SAAL1: variants seen among roughly 807,000 people sequenced by gnomAD.
SAAL1 encodes protein SAAL1.
SAAL1 carries 42 observed loss-of-function variants against 59.8 expected under a neutral mutation model. The ratio of observed to expected loss-of-function variants is 0.70; its 90% CI spans 0.55 to 0.91. SAAL1 has a LOEUF of 0.91. Among genes scored for constraint, SAAL1 ranks in the 40% least tolerant of loss-of-function variants. The pLI is 0.00. For synonymous variants in SAAL1, 191 were observed against 194.3 expected, an observed-to-expected ratio of 0.98 and a Z score of 0.14; for missense variants, 542 against 561.1, an observed-to-expected ratio of 0.97 and a Z score of 0.34.
rs922201719 is a variant in SAAL1 at position 18,080,381 on chromosome 11, G to A, written c.*18C>T. The A allele has an allele frequency of 2.1e-6, 3 of 1,460,150 alleles. No individual in the cohort carries two copies. The highest frequency in any genetic ancestry group is 2.8e-6 in the Non-Finnish European group (3 of 1,062,544). 90.4% of individuals were successfully genotyped at this position (1,460,150 alleles called of 1,614,324 possible). A position where few individuals can be genotyped will look rare whatever the true frequency, so the allele number is the denominator to read the frequency against. On this transcript the variant is annotated 3_prime_UTR_variant, in exon 12 of 12. Transcript: ENST00000524803. The stretch of plus-strand genomic sequence containing the variant: ...AATAAAGTTTATTTCTTGTACAGAA[G>A]TAATTCCAATTCAGGTTTTAAGTCT...
chr11:18,089,598 A>C, intron 6 of SAAL1, 88 bp from the exon 7 acceptor site: 1 of 1,217,714 alleles, frequency 8.2e-7, no homozygotes, highest in Non-Finnish European at 1.1e-6. Flanking sequence ...ATTCTAAGAA[A>C]ACCAAATCTT....
chr11:18,080,959 T>C (rs1180673020), intron 11 of SAAL1, among the ~76,000 whole-genome samples: 1 of 152,200 alleles, frequency 6.6e-6, no homozygotes, highest in African/African-American at 2.4e-5. Flanking sequence ...CCAATACTAT[T>C]ATGAATTTTC....
chr11:18,100,805 A>G (rs1398724851), intron 2 of SAAL1, among the ~76,000 whole-genome samples: 1 of 152,258 alleles, frequency 6.6e-6, no homozygotes, highest in Non-Finnish European at 1.5e-5. Flanking sequence ...ACAATTAAAT[A>G]TCCATAAGCA....
intron 2 of SAAL1, among the ~76,000 whole-genome samples, chr11:18,100,126 A>T (rs1039682949): frequency 7.9e-5 from 12 of 152,230 alleles, no homozygotes; most frequent in African/African-American, 2.4e-4. Flanking sequence ...TTTTAAAAAA[A>T]TTTGTTTAAC....
intron 7 of SAAL1, among the ~76,000 whole-genome samples, chr11:18,088,827 T>C (rs993039350): frequency 7.9e-5 from 12 of 152,184 alleles, no homozygotes; most frequent in African/African-American, 2.7e-4. Context: ...GCACTAAGAA[T>C]GCACTAAGAA....
intron 7 of SAAL1, 92 bp downstream of exon 7, chr11:18,089,238 T>G: frequency 9.0e-7 from 1 of 1,109,982 alleles, no homozygotes; most frequent in East Asian, 2.6e-5. Context: ...TACTTTATTC[T>G]GTTGTAAGGA....
chr11:18,097,170 G>C (rs575267494), intron 2 of SAAL1, among the ~76,000 whole-genome samples: 3 of 152,142 alleles, frequency 2.0e-5, no homozygotes, highest in Admixed American at 2.0e-4. Flanking sequence ...CCGGGAGGCA[G>C]AGGTTGCAGT....
chr11:18,103,884 G>A (rs999103612), intron 1 of SAAL1, among the ~76,000 whole-genome samples: 1 of 152,200 alleles, frequency 6.6e-6, no homozygotes, highest in Non-Finnish European at 1.5e-5. Context: ...GTAGTAAGAG[G>A]TGATCATTTT....
At chr11:18,104,636 G>C (rs1482299430) in intron 1 of SAAL1, among the ~76,000 whole-genome samples, 1 of 152,098 alleles carries the variant, frequency 6.6e-6, no homozygotes, top group Non-Finnish European at 1.5e-5. Flanking sequence ...AATTTTAAAG[G>C]AAGAATAGTA....
chr11:18,099,771 C>G (rs1322634360), intron 2 of SAAL1, among the ~76,000 whole-genome samples: 4 of 152,156 alleles, frequency 2.6e-5, no homozygotes, highest in African/African-American at 9.7e-5. Context: ...CAGCTGGAAG[C>G]CATTCTAAGC....
chr11:18,101,346 C>T (rs1590292123), intron 2 of SAAL1, among the ~76,000 whole-genome samples: 1 of 152,190 alleles, frequency 6.6e-6, no homozygotes, highest in East Asian at 1.9e-4. Context: ...CCCCACGTAT[C>T]AAGGGCAAGA....
At chr11:18,094,217 G>A (rs554003695) in intron 3 of SAAL1, among the ~76,000 whole-genome samples, 3 of 152,280 alleles carry the variant, frequency 2.0e-5, no homozygotes, top group South Asian at 4.1e-4. Context: ...TTCAGGGTTA[G>A]AGAGTACAGC....
chr11:18,103,148 G>C (rs921859017), intron 2 of SAAL1, 85 bp downstream of exon 2: 12 of 884,270 alleles, frequency 1.4e-5, no homozygotes, highest in Middle Eastern at 2.2e-4. Context: ...CCTTTCCCCA[G>C]AGTGAAGGAC....
At chr11:18,104,231 T>C (rs1296686558) in intron 1 of SAAL1, among the ~76,000 whole-genome samples, 3 of 152,208 alleles carry the variant, frequency 2.0e-5, no homozygotes, top group Non-Finnish European at 4.4e-5. Context: ...CTACTGATGT[T>C]AAGTGAGCAC....
intron 2 of SAAL1, among the ~76,000 whole-genome samples, chr11:18,101,506 C>T (rs113412693): frequency 0.026 from 4,026 of 152,200 alleles, 186 homozygotes; most frequent in African/African-American, 0.093. Flanking sequence ...AATAAGGTGC[C>T]TGCTTCCCCT....
intron 2 of SAAL1, among the ~76,000 whole-genome samples, chr11:18,097,490 T>A (rs1329419349): frequency 6.6e-6 from 1 of 152,082 alleles, no homozygotes; most frequent in Non-Finnish European, 1.5e-5. Context: ...TTAAACACAT[T>A]CAAACACATT....
At position 18,097,253 on chromosome 11, in the gene SAAL1, AT is replaced by A. The variant is rs1359719090; in HGVS notation, c.250-400del. On this transcript the variant is annotated intron_variant, in intron 2 of 11. Transcript: ENST00000524803. Reference sequence around the variant, plus strand: ...CTCTGTCTCCAAAAAAAATAAAAAAATAAAATAAAATTAGAATTTTAGACAC... The same window carrying A: ...CTCTGTCTCCAAAAAAAATAAAAAAAAAAATAAAATTAGAATTTTAGACAC... Among the ~76,000 whole-genome samples, 8 of 152,208 alleles carry A rather than the reference AT, an allele frequency of 5.3e-5. No homozygotes were observed. In the South Asian group the frequency reaches 6.2e-4, roughly 12 times the overall value.
At chr11:18,094,689 A>C (rs564587954) in intron 3 of SAAL1, among the ~76,000 whole-genome samples, 2 of 152,322 alleles carry the variant, frequency 1.3e-5, no homozygotes, top group East Asian at 3.9e-4. Context: ...AGCCAATGAA[A>C]GGTGAGAGAC....
chr11:18,105,586 T>C (rs1192378559), intron 1 of SAAL1, among the ~76,000 whole-genome samples: 13 of 152,074 alleles, frequency 8.5e-5, no homozygotes, highest in Admixed American at 7.2e-4. Context: ...GAAATGACAG[T>C]GGGGATGGGG....
Sources: gnomAD v4.1 joint callset for allele counts (sites outside exome capture counted in the v4.1 genomes callset) on GRCh38, gnomAD v4.1.1 for gene constraint, MANE v1.5 for transcripts, NCBI Gene and HGNC (gene_info 2026-07-23, HGNC 2026-07-21) for gene names.